The following FAM168A variants were observed in gnomAD, a reference collection of about 807,000 sequenced individuals.
FAM168A encodes protein FAM168A.
FAM168A carries 3 observed loss-of-function variants against 28.5 expected under a neutral mutation model. The observed-to-expected ratio is 0.11, with a 90% CI of 0.05 to 0.27. FAM168A has a LOEUF of 0.27. FAM168A is among the 10% of genes least tolerant of loss of function. The probability of loss-of-function intolerance (pLI) is 1.00; values close to 1 mark genes in which losing one functional copy is unlikely to be tolerated. For missense variants in FAM168A, 222 were observed against 311.5 expected (o/e 0.71, Z 2.16); for synonymous variants, 122 against 124.2 (o/e 0.98, Z 0.12).
At chr11:73,568,297 T>C (rs914747967) in intron 1 of FAM168A, among the ~76,000 whole-genome samples, 2 of 152,094 alleles carry the variant, frequency 1.3e-5, no homozygotes, top group Non-Finnish European at 1.5e-5. Context: ...TCTTAAAAGA[T>C]CCTGTAATAT....
In FAM168A at chr11:73,591,128, A is replaced by G. The variant is rs551479782; in HGVS notation, c.-19+6795T>C. On this transcript the variant is annotated intron_variant, in intron 1 of 7. Coordinates refer to ENST00000356467, the MANE Select transcript of FAM168A (RefSeq NM_015159.3). ...CACTGTACTCCAGGCCGGGAGACAA[A>G]GCGAGACTCTGTCTCAAAAAAAAAA... Among the ~76,000 whole-genome samples the G allele has an allele frequency of 2.6e-5, 4 of 152,278 alleles. No individual in the cohort carries two copies. The East Asian group carries it at 7.7e-4, about 29-fold the overall frequency.
intron 2 of FAM168A, among the ~76,000 whole-genome samples, chr11:73,448,260 A>C (rs1867359759): frequency 1.3e-5 from 2 of 152,050 alleles, no homozygotes. Context: ...GTTGGCCAGG[A>C]TGGTCTTGAT....
At chr11:73,516,537 T>C (rs1467278670) in intron 1 of FAM168A, among the ~76,000 whole-genome samples, 1 of 152,242 alleles carries the variant, frequency 6.6e-6, no homozygotes, top group Non-Finnish European at 1.5e-5. Context: ...CTGAATGCTG[T>C]TACATTTCTA....
rs144268159 is a variant in FAM168A at position 73,493,035 on chromosome 11, G to C, written c.-18-24543C>G. The stretch of plus-strand genomic sequence containing the variant: ...CCTTGGGCTCTACCAAGAGTGTGGA[G>C]AAGGATGGACTGAAAAACTACCTAT... On this transcript the variant is annotated intron_variant, in intron 1 of 7. Transcript: ENST00000356467. 1.7e-3 allele frequency among the ~76,000 whole-genome samples: 265 copies of C among 152,290 alleles called. 2 individuals carry two copies. Among genetic ancestry groups the C allele is most frequent in the African/African-American group, 6.2e-3 (256 of 41,544 alleles).
intron 1 of FAM168A, 97 bp downstream of exon 1, chr11:73,597,826 C>T (rs932574577): frequency 6.6e-6 from 1 of 152,284 alleles, no homozygotes; most frequent in African/African-American, 2.4e-5. Context: ...TCCCCCCAAC[C>T]TGCACGGGGG....
At chr11:73,545,027 A>AATATATATATAATATATTATAT (rs1943726597) in intron 1 of FAM168A, among the ~76,000 whole-genome samples, 130 of 77,112 alleles carry the variant, frequency 1.7e-3, no homozygotes, top group Non-Finnish European at 2.6e-3. Flanking sequence ...TAGTATATAT[A>AATATATATATAATATATTATAT]ATATATATAT....
intron 2 of FAM168A, among the ~76,000 whole-genome samples, chr11:73,464,090 T>C (rs998380679): frequency 1.3e-5 from 2 of 152,094 alleles, no homozygotes; most frequent in Non-Finnish European, 2.9e-5. Context: ...AAGCACCTAC[T>C]TTGTAACTGG....
intron 4 of FAM168A, among the ~76,000 whole-genome samples, chr11:73,415,892 G>A (rs926745692): frequency 6.6e-6 from 1 of 152,202 alleles, no homozygotes; most frequent in Non-Finnish European, 1.5e-5. Flanking sequence ...GGACATTAGA[G>A]GTTTATATTC....
intron 1 of FAM168A, among the ~76,000 whole-genome samples, chr11:73,542,253 T>A (rs116824234): frequency 0.01 from 1,540 of 152,348 alleles, 27 homozygotes; most frequent in African/African-American, 0.036. Context: ...CTGAGATCTT[T>A]TGGTTATCTA....
rs1394498017 is a variant in FAM168A, at chr11:73,402,355, G to A, written c.*4408C>T. On this transcript the variant is annotated 3_prime_UTR_variant, in exon 8 of 8. Transcript: ENST00000356467. ...AGCCTCGCTTAGTCAGTGCCTCGCT[G>A]GGAACCTGGATGAGTCCTATCTGTA... 1 of 152,236 alleles carries A rather than the reference G, an allele frequency of 6.6e-6. No homozygotes were observed. The highest frequency in any genetic ancestry group is 1.5e-5 in the Non-Finnish European group (1 of 68,052). The allele number at this position is 152,236 out of a possible 1,614,324, so 9.4% of individuals were successfully genotyped here.
chr11:73,531,971 ATTTTTT>A (rs1016007383), intron 1 of FAM168A, among the ~76,000 whole-genome samples: 1 of 123,482 alleles, frequency 8.1e-6, no homozygotes, highest in African/African-American at 3.0e-5. Context: ...TGCCTGGCTA[ATTTTTT>A]TTTTTTTTTT....
At chr11:73,594,461 T>G (rs1450799277) in intron 1 of FAM168A, among the ~76,000 whole-genome samples, 1 of 152,090 alleles carries the variant, frequency 6.6e-6, no homozygotes, top group Non-Finnish European at 1.5e-5. Context: ...CAAAGTTAAG[T>G]GTACAATTCA....
At chr11:73,554,672 G>A (rs2134696320) in intron 1 of FAM168A, among the ~76,000 whole-genome samples, 1 of 152,326 alleles carries the variant, frequency 6.6e-6, no homozygotes, top group East Asian at 1.9e-4. Context: ...TCTGCTAGGT[G>A]AGAAACATAT....
intron 1 of FAM168A, among the ~76,000 whole-genome samples, chr11:73,479,047 T>C (rs1029875609): frequency 6.6e-6 from 1 of 152,302 alleles, no homozygotes; most frequent in Non-Finnish European, 1.5e-5. Context: ...CTGTAGAACT[T>C]CTGAGAAGGC....
At chr11:73,412,728 T>C (rs902254432) in intron 4 of FAM168A, among the ~76,000 whole-genome samples, 9 of 152,204 alleles carry the variant, frequency 5.9e-5, no homozygotes, top group Admixed American at 3.9e-4. Context: ...TTTGAAGCCC[T>C]GCTGGGGAGG....
intron 1 of FAM168A, among the ~76,000 whole-genome samples, chr11:73,514,249 A>G (rs1210094244): frequency 6.6e-6 from 1 of 151,992 alleles, no homozygotes; most frequent in East Asian, 1.9e-4. Flanking sequence ...AAAACAAAAT[A>G]AAAAAAAGGT....
intron 1 of FAM168A, among the ~76,000 whole-genome samples, chr11:73,520,565 G>C (rs1943363178): frequency 6.6e-6 from 1 of 152,112 alleles, no homozygotes; most frequent in Admixed American, 6.6e-5. Flanking sequence ...CAGAAAGACA[G>C]GGCTGACTTT....
Position 73,476,282 on chromosome 11 carries a change from A to G in FAM168A, c.-18-7790T>C, listed in dbSNP as rs143842380. 3.1e-3 allele frequency among the ~76,000 whole-genome samples: 477 copies of G among 152,236 alleles called. 3 individuals carry two copies. The highest frequency in any genetic ancestry group is 0.011 in the African/African-American group (457 of 41,532). ...TCAAACATTGGATGGCCACTAATCTATGCCAACCCAGGGGTGACCTTTAGG... is the reference window on the plus strand; with the variant it reads ...TCAAACATTGGATGGCCACTAATCTGTGCCAACCCAGGGGTGACCTTTAGG... On this transcript the variant is annotated intron_variant, in intron 1 of 7. Coordinates refer to ENST00000356467, the MANE Select transcript of FAM168A (RefSeq NM_015159.3).
chr11:73,441,409 C>A (rs1219799004), intron 2 of FAM168A, among the ~76,000 whole-genome samples: 4 of 152,130 alleles, frequency 2.6e-5, no homozygotes, highest in African/African-American at 4.8e-5. Flanking sequence ...TGGATAGGAC[C>A]CAAAACAATG....
Sources: allele counts gnomAD v4.1 joint callset (sites outside exome capture counted in the v4.1 genomes callset), GRCh38; gene constraint gnomAD v4.1.1; transcripts MANE v1.5; gene names NCBI Gene and HGNC (gene_info 2026-07-23, HGNC 2026-07-21).